The following CLSTN2 variants were observed in gnomAD, a reference collection of about 807,000 sequenced individuals.
CLSTN2 encodes calsyntenin-2.
CLSTN2 carries 48 observed loss-of-function variants against 101.2 expected under a neutral mutation model. The observed-to-expected ratio is 0.47, with a 90% CI of 0.38 to 0.60. CLSTN2 has a LOEUF of 0.60. Ranked by LOEUF, CLSTN2 falls within the 20% of genes least tolerant of loss-of-function variation. CLSTN2 has a pLI of 0.00. For synonymous variants in CLSTN2, 481 were observed against 463.6 expected (o/e 1.04, Z -0.48); for missense variants, 1,160 against 1,238.2 (o/e 0.94, Z 0.95).
At chr3:140,474,519 A>G (rs55955749) in intron 8 of CLSTN2, among the ~76,000 whole-genome samples, 14,197 of 152,212 alleles carry the variant, frequency 0.093, 743 homozygotes, top group East Asian at 0.12. Context: ...TACCTGCTAC[A>G]AGAAGTGGAA....
intron 1 of CLSTN2, among the ~76,000 whole-genome samples, chr3:140,076,632 T>TTC (rs2008496474): frequency 7.2e-6 from 1 of 138,608 alleles, no homozygotes; most frequent in Non-Finnish European, 1.5e-5. Flanking sequence ...AGTGTTTTTT[T>TTC]TTTTTTTTTT....
intron 1 of CLSTN2, among the ~76,000 whole-genome samples, chr3:140,125,619 T>C (rs2009416840): frequency 1.3e-5 from 2 of 151,936 alleles, no homozygotes; most frequent in African/African-American, 2.4e-5. Context: ...ACTAATCACA[T>C]GGGGAGTGAG....
chr3:140,527,990 G>A (rs1935178933), intron 8 of CLSTN2, among the ~76,000 whole-genome samples: 1 of 152,126 alleles, frequency 6.6e-6, no homozygotes, highest in Non-Finnish European at 1.5e-5. Context: ...GTACTTGTGT[G>A]ATAGGATCAT....
intron 2 of CLSTN2, among the ~76,000 whole-genome samples, chr3:140,205,457 G>A (rs901544400): frequency 3.3e-5 from 5 of 152,194 alleles, no homozygotes; most frequent in African/African-American, 1.2e-4. Flanking sequence ...CTTGAAGTAG[G>A]AGTTTAGAGG....
chr3:140,264,704 A>T (rs539314042), intron 2 of CLSTN2, among the ~76,000 whole-genome samples: 7 of 152,222 alleles, frequency 4.6e-5, no homozygotes, highest in African/African-American at 1.4e-4. Context: ...AGATAATCTC[A>T]AGCCTCTTTG....
intron 8 of CLSTN2, among the ~76,000 whole-genome samples, chr3:140,496,829 G>A (rs113584677): frequency 0.018 from 2,751 of 152,190 alleles, 71 homozygotes; most frequent in African/African-American, 0.062. Flanking sequence ...CTAGCCGGGC[G>A]CGGTGGCTCA....
At chr3:140,431,373 G>A (rs185621648) in intron 5 of CLSTN2, among the ~76,000 whole-genome samples, 12 of 152,174 alleles carry the variant, frequency 7.9e-5, no homozygotes, top group East Asian at 1.9e-4. Flanking sequence ...CAAAGATGCC[G>A]GGCCCAGGTG....
chr3:139,992,132 T>C (rs1158034188), intron 1 of CLSTN2, among the ~76,000 whole-genome samples: 4 of 152,100 alleles, frequency 2.6e-5, no homozygotes, highest in Non-Finnish European at 5.9e-5. Context: ...CACTAGCAAC[T>C]GGGAAGAAGG....
chr3:140,207,245 T>C (rs1318023596), intron 2 of CLSTN2, among the ~76,000 whole-genome samples: 1 of 152,200 alleles, frequency 6.6e-6, no homozygotes, highest in Non-Finnish European at 1.5e-5. Flanking sequence ...GTTTGTATGC[T>C]ACAGTGAGGT....
intron 2 of CLSTN2, among the ~76,000 whole-genome samples, chr3:140,389,999 A>G (rs745759617): frequency 6.6e-6 from 1 of 152,046 alleles, no homozygotes; most frequent in Non-Finnish European, 1.5e-5. Context: ...AAAACAAATT[A>G]TGTATGATTA....
At chr3:140,368,754 G>A (rs751641171) in intron 2 of CLSTN2, among the ~76,000 whole-genome samples, 4 of 152,200 alleles carry the variant, frequency 2.6e-5, no homozygotes, top group Non-Finnish European at 5.9e-5. Flanking sequence ...CTGCATGGGA[G>A]GCTGGTGGAC....
intron 8 of CLSTN2, chr3:140,508,390 TG>T (rs1277634025): frequency 6.6e-6 from 1 of 152,200 alleles, no homozygotes; most frequent in Non-Finnish European, 1.5e-5. Context: ...TGCAATCATT[TG>T]TTCATTCATT....
At chr3:140,304,235 A>T (rs2087089381) in intron 2 of CLSTN2, among the ~76,000 whole-genome samples, 1 of 152,190 alleles carries the variant, frequency 6.6e-6, no homozygotes, top group Non-Finnish European at 1.5e-5. Flanking sequence ...ATAATCTAAA[A>T]TGCTGGGTTC....
chr3:140,059,292 G>A (rs1560082417), intron 1 of CLSTN2, among the ~76,000 whole-genome samples: 1 of 152,226 alleles, frequency 6.6e-6, no homozygotes, highest in Non-Finnish European at 1.5e-5. Context: ...CCAGATGGCT[G>A]ACAGCTCCAG....
At chr3:140,154,641 C>CT (rs35699283) in intron 1 of CLSTN2, among the ~76,000 whole-genome samples, 65,564 of 92,798 alleles carry the variant, frequency 0.71, 25,298 homozygotes, top group South Asian at 0.89. Context: ...AAGTATCACC[C>CT]TTTTTTTTTT....
At chr3:139,938,263 A>G (rs571466332) in intron 1 of CLSTN2, among the ~76,000 whole-genome samples, 2 of 152,162 alleles carry the variant, frequency 1.3e-5, no homozygotes, top group South Asian at 4.2e-4. Context: ...AAGCTTTCTG[A>G]CAGAGTTGAA....
chr3:139,981,167 A>C (rs1016445365), intron 1 of CLSTN2, among the ~76,000 whole-genome samples: 9 of 152,166 alleles, frequency 5.9e-5, no homozygotes, highest in Non-Finnish European at 1.3e-4. Flanking sequence ...GGAAAATGTC[A>C]TTCTCTCAAC....
In CLSTN2 at chr3:140,289,393, C is replaced by CA. The variant is rs537784028; in HGVS notation, c.232+113326dup. Reference sequence around the variant, plus strand: ...GCGGGGAGAGGAGCTGTATTCCCTGCAAAAAATCCACTGATTTGTATTTTT... The same window carrying CA: ...GCGGGGAGAGGAGCTGTATTCCCTGCAAAAAAATCCACTGATTTGTATTTTT... On this transcript the variant is annotated intron_variant, in intron 2 of 16. Transcript: ENST00000458420. 1.4e-3 allele frequency among the ~76,000 whole-genome samples: 210 copies of CA among 151,780 alleles called. 1 individual carries two copies. Among genetic ancestry groups the CA allele is most frequent in the African/African-American group, 4.6e-3 (190 of 41,432 alleles).
At chr3:140,042,413 C>G (rs1400448670) in intron 1 of CLSTN2, among the ~76,000 whole-genome samples, 1 of 152,112 alleles carries the variant, frequency 6.6e-6, no homozygotes, top group African/African-American at 2.4e-5. Context: ...GTACTTTATC[C>G]CTTTTTATTT....
Sources: allele counts gnomAD v4.1 joint callset (sites outside exome capture counted in the v4.1 genomes callset), GRCh38; gene constraint gnomAD v4.1.1; transcripts MANE v1.5; gene names NCBI Gene and HGNC (gene_info 2026-07-23, HGNC 2026-07-21).